TNFAIP8: variants seen among roughly 807,000 people sequenced by gnomAD.
TNFAIP8 encodes the protein TNF alpha induced protein 8.
A neutral mutation model predicts 13.3 loss-of-function variants in TNFAIP8; 7 were observed. The ratio of observed to expected loss-of-function variants is 0.52; its 90% CI spans 0.30 to 0.99. The LOEUF is 0.99. TNFAIP8 is among the 50% of genes least tolerant of loss of function. The probability of loss-of-function intolerance (pLI) is 0.07; values close to 1 mark genes in which losing one functional copy is unlikely to be tolerated. For missense variants in TNFAIP8, 258 were observed against 236.9 expected (o/e 1.09, Z -0.58); for synonymous variants, 94 against 87.6 (o/e 1.07, Z -0.41).
At chr5:119,339,134 A>G (rs576799224) in intron 1 of TNFAIP8, among the ~76,000 whole-genome samples, 2 of 152,336 alleles carry the variant, frequency 1.3e-5, no homozygotes, top group South Asian at 4.1e-4. Context: ...AAAATTCTAC[A>G]GCAATTCTAG....
chr5:119,362,373 G>T (rs1213639541), intron 1 of TNFAIP8, among the ~76,000 whole-genome samples: 2 of 152,168 alleles, frequency 1.3e-5, no homozygotes, highest in East Asian at 1.9e-4. Flanking sequence ...TTCCCAGGGG[G>T]ACATTGTATG....
At chr5:119,320,345 A>C (rs1384218691) in intron 1 of TNFAIP8, among the ~76,000 whole-genome samples, 1 of 152,168 alleles carries the variant, frequency 6.6e-6, no homozygotes, top group Non-Finnish European at 1.5e-5. Context: ...CTTTCCAGTT[A>C]TGGAAACATC....
intron 1 of TNFAIP8, among the ~76,000 whole-genome samples, chr5:119,380,223 C>G (rs567717075): frequency 6.6e-6 from 1 of 152,358 alleles, no homozygotes; most frequent in African/African-American, 2.4e-5. Context: ...ATCTTGCAAA[C>G]TGTAGAGTAC....
chr5:119,316,796 G>A (rs553180684), intron 1 of TNFAIP8, among the ~76,000 whole-genome samples: 145 of 152,296 alleles, frequency 9.5e-4, no homozygotes, highest in African/African-American at 3.4e-3. Context: ...CTCAACTGGG[G>A]GCAGTTTTGC....
At chr5:119,347,681 C>CCTTT (rs1750956185) in intron 1 of TNFAIP8, among the ~76,000 whole-genome samples, 1 of 152,136 alleles carries the variant, frequency 6.6e-6, no homozygotes, top group Admixed American at 6.5e-5. Context: ...CTGATGCATG[C>CCTTT]CTTTCACTGC....
chr5:119,386,730 A>C (rs1416157526), intron 1 of TNFAIP8, among the ~76,000 whole-genome samples: 1 of 152,216 alleles, frequency 6.6e-6, no homozygotes, highest in Non-Finnish European at 1.5e-5. Context: ...CAAAATGTGC[A>C]TTCCGTATCA....
chr5:119,307,582 C>T (rs573570155), intron 1 of TNFAIP8, among the ~76,000 whole-genome samples: 17 of 152,174 alleles, frequency 1.1e-4, no homozygotes, highest in Non-Finnish European at 2.4e-4. Flanking sequence ...TTCATACCAT[C>T]GTGTTTCAAT....
intron 1 of TNFAIP8, among the ~76,000 whole-genome samples, chr5:119,334,955 T>G (rs889349987): frequency 1.3e-5 from 2 of 152,082 alleles, no homozygotes; most frequent in Non-Finnish European, 2.9e-5. Flanking sequence ...CTGGAGTGAT[T>G]AAGTCATAAG....
chr5:119,376,586 C>G (rs1041244423), intron 1 of TNFAIP8, among the ~76,000 whole-genome samples: 1 of 150,082 alleles, frequency 6.7e-6, no homozygotes, highest in Admixed American at 6.7e-5. Flanking sequence ...TCTGCTCCCC[C>G]AGAAACAACC....
intron 1 of TNFAIP8, among the ~76,000 whole-genome samples, chr5:119,382,705 G>C (rs763262284): frequency 6.6e-6 from 1 of 152,208 alleles, no homozygotes; most frequent in Non-Finnish European, 1.5e-5. Context: ...AGAGAGGTTA[G>C]ATAATTTGCT....
In TNFAIP8 at chr5:119,393,149, C is replaced by A; in HGVS notation, c.365C>A (p.Thr122Asn). Residue 122 changes from threonine (T) to asparagine (N), a missense_variant, in exon 2 of 2, where the codon ACC (threonine) becomes AAC (asparagine). By Grantham distance (65) the Thr-to-Asn change is moderately conservative (BLOSUM62 0). Transcript: ENST00000504771. ...TVVSFHQVDYTFDRNVLSRLL... is the reference protein window; with the variant it reads ...TVVSFHQVDYNFDRNVLSRLL... ...GTCAGTTTCCATCAGGTGGATTATA[C>A]CTTTGACCGGAATGTGTTATCCAGG... The A allele has an allele frequency of 1.2e-6, 2 of 1,613,966 alleles. No homozygotes were observed. Among genetic ancestry groups the A allele is most frequent in the South Asian group, 1.1e-5 (1 of 91,084 alleles).
At chr5:119,272,688 A>G (rs1385983859) in intron 1 of TNFAIP8, among the ~76,000 whole-genome samples, 1 of 152,216 alleles carries the variant, frequency 6.6e-6, no homozygotes. Flanking sequence ...TACCCAGCCC[A>G]TCCTTTTAGA....
chr5:119,278,471 T>TTTACC (rs1237369742), intron 1 of TNFAIP8, among the ~76,000 whole-genome samples: 1 of 151,776 alleles, frequency 6.6e-6, no homozygotes, highest in Non-Finnish European at 1.5e-5. Flanking sequence ...GTAGTGTCTA[T>TTTACC]CCCTTTTCAT....
chr5:119,292,737 G>A (rs912877324), intron 1 of TNFAIP8, among the ~76,000 whole-genome samples: 1 of 133,920 alleles, frequency 7.5e-6, no homozygotes, highest in African/African-American at 2.7e-5. Context: ...ACAAAGTACT[G>A]TACCTGCTAC....
At chr5:119,312,767 A>AT (rs1350963584) in intron 1 of TNFAIP8, among the ~76,000 whole-genome samples, 3 of 150,492 alleles carry the variant, frequency 2.0e-5, no homozygotes, top group African/African-American at 7.4e-5. Flanking sequence ...AAAAAAAAAA[A>AT]GAATATGAAG....
At chr5:119,307,696 C>T (rs965639363) in intron 1 of TNFAIP8, among the ~76,000 whole-genome samples, 2 of 152,228 alleles carry the variant, frequency 1.3e-5, no homozygotes, top group Admixed American at 6.5e-5. Flanking sequence ...AAAAATTCTG[C>T]GTTAAATTGT....
intron 1 of TNFAIP8, among the ~76,000 whole-genome samples, chr5:119,286,814 G>T (rs1362651095): frequency 6.6e-6 from 1 of 152,148 alleles, no homozygotes; most frequent in Admixed American, 6.5e-5. Flanking sequence ...TCTAGCCTCA[G>T]TCTTCCCACT....
At chr5:119,372,994 A>G (rs1340753499) in intron 1 of TNFAIP8, among the ~76,000 whole-genome samples, 1 of 152,210 alleles carries the variant, frequency 6.6e-6, no homozygotes, top group Admixed American at 6.5e-5. Context: ...AAGTTATGTT[A>G]GTTAACACTG....
chr5:119,346,211 C>T (rs958812387), intron 1 of TNFAIP8, among the ~76,000 whole-genome samples: 1 of 152,122 alleles, frequency 6.6e-6, no homozygotes, highest in Non-Finnish European at 1.5e-5. Context: ...TCACTGGATG[C>T]ATTCTGCTGC....
Sources: gnomAD v4.1 joint callset for allele counts (sites outside exome capture counted in the v4.1 genomes callset) on GRCh38, gnomAD v4.1.1 for gene constraint, MANE v1.5 for transcripts, NCBI Gene and HGNC (gene_info 2026-07-23, HGNC 2026-07-21) for gene names.